HS6ST1: variants seen among roughly 807,000 people sequenced by gnomAD.
HS6ST1 encodes heparan-sulfate 6-O-sulfotransferase 1.
HS6ST1 carries 3 observed loss-of-function variants against 25.2 expected under a neutral mutation model. The ratio of observed to expected loss-of-function variants is 0.12; its 90% CI spans 0.05 to 0.31. HS6ST1 has a LOEUF of 0.31. Among genes scored for constraint, HS6ST1 ranks in the 10% least tolerant of loss-of-function variants. HS6ST1 has a pLI of 1.00. For synonymous variants in HS6ST1, 204 were observed against 275.1 expected (o/e 0.74, Z 2.56); for missense variants, 310 against 609.6 (o/e 0.51, Z 5.18).
At position 128,318,835 on chromosome 2, in the gene HS6ST1, CCCGCTCCGCT is replaced by C. The variant is rs1175457185; in HGVS notation, c.-282_-273del. ...GCGCTCTCCGCGCCCCCAGCACCAG[CCCGCTCCGCT>C]CCACTCCGCGCCGAGAACGCTCTGC... On this transcript the variant is annotated 5_prime_UTR_variant, in exon 1 of 2. Coordinates refer to ENST00000259241, the MANE Select transcript of HS6ST1 (RefSeq NM_004807.3). This position sits in a 1 kb window ranked among gnomAD's most constrained non-coding sequence, Gnocchi z 5.7. Among the ~76,000 whole-genome samples the C allele has an allele frequency of 6.8e-6, 1 of 147,896 alleles. No individual in the cohort carries two copies. The highest frequency in any genetic ancestry group is 1.5e-5 in the Non-Finnish European group (1 of 66,366).
chr2:128,268,108 T>A lies in HS6ST1; in HGVS notation c.*54A>T, dbSNP rs1693550461. ...CAGTCTTGGGTGGACCTGTCGTCTG[T>A]CCTGTTTTATCCCCCACACCCCCCA... is the stretch of plus-strand genomic sequence containing the variant. On this transcript the variant is annotated 3_prime_UTR_variant, in exon 2 of 2. Coordinates refer to ENST00000259241, the MANE Select transcript of HS6ST1 (RefSeq NM_004807.3). 1 of 1,289,202 alleles carries A rather than the reference T, an allele frequency of 7.8e-7. No homozygotes were observed. Among genetic ancestry groups the A allele is most frequent in the Admixed American group, 1.9e-5 (1 of 51,302 alleles). 79.9% of individuals were successfully genotyped at this position (1,289,202 alleles called of 1,614,324 possible). A position where few individuals can be genotyped will look rare whatever the true frequency, so the allele number is the denominator to read the frequency against.
chr2:128,304,297 C>T (rs1325683288), intron 1 of HS6ST1, among the ~76,000 whole-genome samples: 1 of 152,196 alleles, frequency 6.6e-6, no homozygotes, highest in Non-Finnish European at 1.5e-5. Flanking sequence ...GGGATGCTGC[C>T]AGCCATGCTC....
Position 128,268,753 on chromosome 2 carries a change from C to T in HS6ST1, c.645G>A (p.Thr215=), listed in dbSNP as rs752870320. 1.1e-5 allele frequency: 18 copies of T among 1,612,044 alleles called. No homozygotes were observed. The highest frequency in any genetic ancestry group is 4.0e-5 in the African/African-American group (3 of 75,024). The change falls in exon 2 of 2, where the codon ACG becomes ACA. Residue 215 remains threonine (T), a synonymous_variant. Coordinates refer to ENST00000259241, the MANE Select transcript of HS6ST1 (RefSeq NM_004807.3). ...KTSLHMCDGR[T]PTPEELPPCY... ...AGGGCGGCAGCTCCTCAGGCGTGGG[C>T]GTGCGCCCATCACACATATGCAACG...
rs1693957097 is a variant in HS6ST1, at chr2:128,291,856, G to A, written c.528-22986C>T. Among the ~76,000 whole-genome samples the A allele has an allele frequency of 2.6e-5, 4 of 152,220 alleles. No individual in the cohort carries two copies. In the South Asian group the frequency reaches 8.3e-4, roughly 31 times the overall value. ...ATCTGTCCACAGGCTCTTCCCCAAG[G>A]GCATACACAGGCTTCCCTATAGGTG... is the stretch of plus-strand genomic sequence containing the variant. On this transcript the variant is annotated intron_variant, in intron 1 of 1. Transcript: ENST00000259241.
At chr2:128,283,408 G>A (rs963471077) in intron 1 of HS6ST1, among the ~76,000 whole-genome samples, 2 of 152,218 alleles carry the variant, frequency 1.3e-5, no homozygotes, top group African/African-American at 4.8e-5. Flanking sequence ...CCCAAATGAC[G>A]GGGAGCAATC....
intron 1 of HS6ST1, among the ~76,000 whole-genome samples, chr2:128,294,025 G>C (rs193247638): frequency 1.3e-5 from 2 of 152,200 alleles, no homozygotes; most frequent in Non-Finnish European, 2.9e-5. Flanking sequence ...AAGCCAGTAG[G>C]CTTGGCTCTG....
intron 1 of HS6ST1, among the ~76,000 whole-genome samples, chr2:128,299,653 T>C (rs1297541103): frequency 6.6e-6 from 1 of 152,174 alleles, no homozygotes; most frequent in African/African-American, 2.4e-5. Flanking sequence ...GCGTGACCTG[T>C]GCCAGGCCCC....
intron 1 of HS6ST1, among the ~76,000 whole-genome samples, chr2:128,317,614 A>C (rs1694392696): frequency 1.3e-5 from 2 of 152,276 alleles, no homozygotes; most frequent in South Asian, 4.1e-4. Context: ...CACTTTTGGG[A>C]CCACAGCACC....
At chr2:128,285,217 T>C (rs1157601740) in intron 1 of HS6ST1, among the ~76,000 whole-genome samples, 1 of 152,218 alleles carries the variant, frequency 6.6e-6, no homozygotes, top group Non-Finnish European at 1.5e-5. Flanking sequence ...CCCTTCTTCT[T>C]TGTAGCCTCC....
At chr2:128,293,196 G>A (rs981031691) in intron 1 of HS6ST1, among the ~76,000 whole-genome samples, 3 of 152,222 alleles carry the variant, frequency 2.0e-5, no homozygotes, top group South Asian at 2.1e-4. Context: ...TGTCTCCTGC[G>A]GAAGGGCACC....
At chr2:128,289,428 G>A (rs1450909392) in intron 1 of HS6ST1, among the ~76,000 whole-genome samples, 1 of 152,318 alleles carries the variant, frequency 6.6e-6, no homozygotes, top group South Asian at 2.1e-4. Context: ...TGGGCAAATG[G>A]AGACTCAGAG....
Position 128,266,572 on chromosome 2 carries a change from T to C in HS6ST1, c.*1590A>G, listed in dbSNP as rs1313148111. ...GGCTTCCTGTGCTGCAGAAGGCGCT[T>C]GCTCCCAAGCCCGTGGTGACCCACG... On this transcript the variant is annotated 3_prime_UTR_variant, in exon 2 of 2. Coordinates refer to ENST00000259241, the MANE Select transcript of HS6ST1 (RefSeq NM_004807.3). 7 of 152,336 alleles carry C rather than the reference T, an allele frequency of 4.6e-5. No homozygotes were observed. The highest frequency in any genetic ancestry group is 1.7e-4 in the African/African-American group (7 of 41,456). The allele number at this position is 152,336 out of a possible 1,614,324, so 9.4% of individuals were successfully genotyped here.
chr2:128,294,831 C>T (rs1302045606), intron 1 of HS6ST1, among the ~76,000 whole-genome samples: 1 of 152,024 alleles, frequency 6.6e-6, no homozygotes, highest in Non-Finnish European at 1.5e-5. Flanking sequence ...GCCCTGGAGC[C>T]TCCTGCTTCC....
chr2:128,303,875 G>A (rs1474217393), intron 1 of HS6ST1, among the ~76,000 whole-genome samples: 1 of 152,206 alleles, frequency 6.6e-6, no homozygotes, highest in Non-Finnish European at 1.5e-5. Flanking sequence ...TTGAATGGGT[G>A]GATTGAGAAA....
intron 1 of HS6ST1, among the ~76,000 whole-genome samples, chr2:128,304,289 GA>G (rs1694175427): frequency 6.6e-6 from 1 of 152,180 alleles, no homozygotes; most frequent in Admixed American, 6.5e-5. Flanking sequence ...TACGCTGGGG[GA>G]TGCTGCCAGC....
At chr2:128,273,806 C>T (rs1693649923) in intron 1 of HS6ST1, among the ~76,000 whole-genome samples, 1 of 152,250 alleles carries the variant, frequency 6.6e-6, no homozygotes, top group Non-Finnish European at 1.5e-5. Context: ...AGGTGTCAAA[C>T]AGAAGCAGGA....
chr2:128,290,815 TA>T (rs1693939044), intron 1 of HS6ST1, among the ~76,000 whole-genome samples: 1 of 3,490 alleles, frequency 2.9e-4, no homozygotes, highest in South Asian at 5.8e-3. Context: ...CTACTAAAAA[TA>T]CAAAAAAAAA....
chr2:128,316,158 A>G (rs1347792046), intron 1 of HS6ST1, among the ~76,000 whole-genome samples: 1 of 152,202 alleles, frequency 6.6e-6, no homozygotes, highest in East Asian at 1.9e-4. Flanking sequence ...TCCCACTCTC[A>G]TGGACAAACT....
intron 1 of HS6ST1, among the ~76,000 whole-genome samples, chr2:128,303,858 T>C (rs1242713726): frequency 6.6e-6 from 1 of 152,252 alleles, no homozygotes; most frequent in African/African-American, 2.4e-5. Context: ...ATGTCTGTGA[T>C]TGGCATTTGA....
Sources: allele counts gnomAD v4.1 joint callset (sites outside exome capture counted in the v4.1 genomes callset), GRCh38; gene constraint gnomAD v4.1.1; non-coding constraint Gnocchi (gnomAD v3.1); transcripts MANE v1.5; gene names NCBI Gene and HGNC (gene_info 2026-07-23, HGNC 2026-07-21).